Variants in BMPR1A observed in about 807,000 individuals in gnomAD.
BMPR1A encodes the protein bone morphogenetic protein receptor type-1A.
Under a neutral mutation model 66.0 loss-of-function variants are expected in BMPR1A, and 7 were observed. That is an observed-to-expected ratio of 0.11 (90% CI 0.06 to 0.20). The LOEUF (loss-of-function observed/expected upper bound fraction) is 0.20. BMPR1A is among the 10% of genes least tolerant of loss of function. The probability of loss-of-function intolerance (pLI) is 1.00; values close to 1 mark genes in which losing one functional copy is unlikely to be tolerated. For missense variants in BMPR1A, 408 were observed against 669.1 expected, an observed-to-expected ratio of 0.61 and a Z score of 4.31; for synonymous variants, 200 against 229.7, an observed-to-expected ratio of 0.87 and a Z score of 1.17.
intron 12 of BMPR1A, 24 bp downstream of exon 12, chr10:86,923,530 A>G (rs779460762): frequency 6.2e-7 from 1 of 1,614,238 alleles, no homozygotes; most frequent in Admixed American, 1.7e-5. Context: ...AGTCCCCTGA[A>G]GAAGTGATTC....
At chr10:86,812,886 G>A (rs1420494983) in intron 1 of BMPR1A, among the ~76,000 whole-genome samples, 1 of 152,116 alleles carries the variant, frequency 6.6e-6, no homozygotes, top group East Asian at 1.9e-4. Context: ...TATATTAAAT[G>A]CAGAGTGATG....
intron 1 of BMPR1A, among the ~76,000 whole-genome samples, chr10:86,785,277 A>G (rs751041042): frequency 1.3e-5 from 2 of 152,210 alleles, no homozygotes; most frequent in Non-Finnish European, 2.9e-5. Flanking sequence ...GAAAATGTGT[A>G]TTCAGCTAGT....
chr10:86,756,524 G>T (rs1847864477), upstream of BMPR1A: 1 of 149,598 alleles, frequency 6.7e-6, no homozygotes, highest in Non-Finnish European at 1.5e-5. Flanking sequence ...CGGCGCGGGC[G>T]GGGGCCTTCC....
chr10:86,929,751 T>C (rs1843790945), downstream of BMPR1A: 2 of 152,242 alleles, frequency 1.3e-5, no homozygotes, highest in South Asian at 4.1e-4. Context: ...AATAAATGTA[T>C]TCATTTCTCC....
At position 86,925,264 on chromosome 10, in the gene BMPR1A, A is replaced by G. The variant is rs1026918707; in HGVS notation, c.*1545A>G. 2.2e-5 allele frequency: 5 copies of G among 224,920 alleles called. No homozygotes were observed. Among genetic ancestry groups the G allele is most frequent in the African/African-American group, 4.4e-5 (2 of 44,956 alleles). 13.9% of individuals were successfully genotyped at this position (224,920 alleles called of 1,614,324 possible). A position where few individuals can be genotyped will look rare whatever the true frequency, so the allele number is the denominator to read the frequency against. ...TGCTTTTTAAATATTTATTCTGAGC[A>G]AACAATTCATGAGTACATCAAGTGA... On this transcript the variant is annotated 3_prime_UTR_variant, in exon 13 of 13. Coordinates refer to ENST00000372037, the MANE Select transcript of BMPR1A (RefSeq NM_004329.3).
At chr10:86,913,170 G>A (rs1365391843) in intron 8 of BMPR1A, among the ~76,000 whole-genome samples, 4 of 151,970 alleles carry the variant, frequency 2.6e-5, no homozygotes, top group African/African-American at 9.7e-5. Context: ...TGTCACCCAG[G>A]CTGGAGTGCA....
rs1843765241 is a variant in BMPR1A at position 86,927,861 on chromosome 10, C to T, written c.*4142C>T. 1.0e-5 allele frequency: 2 copies of T among 193,776 alleles called. No individual in the cohort carries two copies. Among genetic ancestry groups the T allele is most frequent in the Non-Finnish European group, 1.1e-5 (1 of 93,180 alleles). The allele number at this position is 193,776 out of a possible 1,614,324, so 12.0% of individuals were successfully genotyped here. A position where few individuals can be genotyped will look rare whatever the true frequency, so the allele number is the denominator to read the frequency against. ...TGTAACACACTAAATGTATTTTGTA[C>T]AGCATCTGGTTTAAAAGGTGCCTTA... On this transcript the variant is annotated 3_prime_UTR_variant, in exon 13 of 13. Coordinates refer to ENST00000372037, the MANE Select transcript of BMPR1A (RefSeq NM_004329.3).
chr10:86,797,068 C>CTTTTTTTTTTTT lies in BMPR1A; in HGVS notation c.-268+40154_-268+40165dup, dbSNP rs780930060. Reference sequence around the variant, plus strand: ...TTTTCCTTTCTTTTTCTTTTCTTTTCTTTTTTTTTTTTTTTTGAGACAGTC... The same window carrying CTTTTTTTTTTTT: ...TTTTCCTTTCTTTTTCTTTTCTTTTCTTTTTTTTTTTTTTTTTTTTTTTTTTTTGAGACAGTC... On this transcript the variant is annotated intron_variant, in intron 1 of 12. Coordinates refer to ENST00000372037, the MANE Select transcript of BMPR1A (RefSeq NM_004329.3). 1.0e-4 allele frequency among the ~76,000 whole-genome samples: 11 copies of CTTTTTTTTTTTT among 105,028 alleles called. 1 individual carries two copies. The highest frequency in any genetic ancestry group is 3.6e-4 in the African/African-American group (11 of 30,494). 68.9% of individuals were successfully genotyped at this position (105,028 alleles called of 152,430 possible).
intron 1 of BMPR1A, among the ~76,000 whole-genome samples, chr10:86,769,009 A>C (rs1368004519): frequency 1.3e-5 from 2 of 152,248 alleles, no homozygotes; most frequent in Non-Finnish European, 2.9e-5. Context: ...TCTATCTTAA[A>C]ATGCAGGTTT....
At chr10:86,850,042 C>T (rs764272570) in intron 2 of BMPR1A, among the ~76,000 whole-genome samples, 29 of 152,054 alleles carry the variant, frequency 1.9e-4, no homozygotes, top group Non-Finnish European at 3.8e-4. Context: ...CTACTCAGGC[C>T]GGGTGCAGTG....
At chr10:86,763,791 T>G (rs1055548272) in intron 1 of BMPR1A, among the ~76,000 whole-genome samples, 4 of 45,192 alleles carry the variant, frequency 8.9e-5, no homozygotes, top group Non-Finnish European at 1.9e-4. Context: ...TGGATAGTTG[T>G]TTTTTTTTTT....
intron 3 of BMPR1A, among the ~76,000 whole-genome samples, chr10:86,884,394 A>ATTTTTTTTTTTTTTTTTTTTTTTT (rs759424209): frequency 2.0e-5 from 1 of 49,348 alleles, no homozygotes; most frequent in Non-Finnish European, 4.5e-5. Context: ...CAAACACATG[A>ATTTTTTTTTTTTTTTTTTTTTTTT]TTTTTTTTTT....
intron 1 of BMPR1A, among the ~76,000 whole-genome samples, chr10:86,776,643 TC>T (rs1256225017): frequency 6.6e-6 from 1 of 152,176 alleles, no homozygotes; most frequent in Non-Finnish European, 1.5e-5. Flanking sequence ...TCACTCTCCC[TC>T]CCACCTTCCT....
At chr10:86,875,186 A>G (rs568056244) in intron 2 of BMPR1A, among the ~76,000 whole-genome samples, 14 of 151,794 alleles carry the variant, frequency 9.2e-5, no homozygotes, top group African/African-American at 2.7e-4. Flanking sequence ...TAGCCCGGCC[A>G]AGATGGTGAA....
At chr10:86,760,487 C>A (rs1193929712) in intron 1 of BMPR1A, among the ~76,000 whole-genome samples, 2 of 152,058 alleles carry the variant, frequency 1.3e-5, no homozygotes, top group African/African-American at 4.8e-5. Flanking sequence ...ATCCGCTCGC[C>A]TCAGCCTCCC....
intron 5 of BMPR1A, among the ~76,000 whole-genome samples, chr10:86,899,459 T>G (rs1228449635): frequency 6.6e-6 from 1 of 152,232 alleles, no homozygotes; most frequent in South Asian, 2.1e-4. Flanking sequence ...CACCCTCCAC[T>G]TTTTAGTCTG....
At chr10:86,759,807 T>G (rs906229818) in intron 1 of BMPR1A, among the ~76,000 whole-genome samples, 22 of 152,214 alleles carry the variant, frequency 1.4e-4, no homozygotes, top group Admixed American at 1.4e-3. Context: ...CTAGATCTTT[T>G]TTCTGGAGAG....
At chr10:86,849,623 C>G (rs1253179254) in intron 2 of BMPR1A, among the ~76,000 whole-genome samples, 1 of 152,216 alleles carries the variant, frequency 6.6e-6, no homozygotes, top group African/African-American at 2.4e-5. Flanking sequence ...GAACTACACT[C>G]TCCGATATGG....
At chr10:86,787,822 G>A (rs537007362) in intron 1 of BMPR1A, among the ~76,000 whole-genome samples, 27 of 152,024 alleles carry the variant, frequency 1.8e-4, no homozygotes, top group African/African-American at 6.5e-4. Flanking sequence ...AGAGGGGAAT[G>A]CCACATGCTT....
Sources: allele counts gnomAD v4.1 joint callset (sites outside exome capture counted in the v4.1 genomes callset), GRCh38; gene constraint gnomAD v4.1.1; transcripts MANE v1.5; gene names NCBI Gene and HGNC (gene_info 2026-07-23, HGNC 2026-07-21).